NFAM1: variants seen among roughly 807,000 people sequenced by gnomAD.
NFAM1 encodes NFAT activation molecule 1.
A neutral mutation model predicts 29.0 loss-of-function variants in NFAM1; 17 were observed. The ratio of observed to expected loss-of-function variants is 0.59; its 90% CI spans 0.40 to 0.88. NFAM1 has a LOEUF of 0.88. Among genes scored for constraint, NFAM1 ranks in the 40% least tolerant of loss-of-function variants. NFAM1 has a pLI of 0.00. For missense variants in NFAM1, 324 were observed against 344.6 expected (o/e 0.94, Z 0.47); for synonymous variants, 175 against 147.2 (o/e 1.19, Z -1.36).
At chr22:42,398,866 C>A (rs1369517903) in intron 3 of NFAM1, among the ~76,000 whole-genome samples, 1 of 152,144 alleles carries the variant, frequency 6.6e-6, no homozygotes, top group East Asian at 1.9e-4. Flanking sequence ...GCAAGCCAGG[C>A]AGTGTGAGGA....
intron 5 of NFAM1, among the ~76,000 whole-genome samples, chr22:42,386,354 A>T (rs1929138730): frequency 6.6e-6 from 1 of 151,434 alleles, no homozygotes; most frequent in African/African-American, 2.4e-5. Context: ...GGCCTGGGTG[A>T]TGGAGCAAGA....
chr22:42,394,087 G>A (rs529285386), intron 4 of NFAM1, among the ~76,000 whole-genome samples: 3 of 152,160 alleles, frequency 2.0e-5, no homozygotes, highest in Non-Finnish European at 4.4e-5. Context: ...CCAGGCTGGA[G>A]TGCAATGGCG....
Position 42,411,389 on chromosome 22 carries a change from C to G in NFAM1, c.451+18G>C. On this transcript the variant is annotated intron_variant, in intron 2 of 5. Transcript: ENST00000329021. Reference sequence around the variant, plus strand: ...CTCTGTGTCCTTTGCCCTGGAAGAGCCACAGAGGAAGCCTTACCTCTGACC... The same window carrying G: ...CTCTGTGTCCTTTGCCCTGGAAGAGGCACAGAGGAAGCCTTACCTCTGACC... The G allele has an allele frequency of 1.3e-6, 2 of 1,586,496 alleles. No individual in the cohort carries two copies. Among genetic ancestry groups the G allele is most frequent in the Non-Finnish European group, 1.7e-6 (2 of 1,158,056 alleles).
chr22:42,386,398 C>G (rs989496316), intron 5 of NFAM1, among the ~76,000 whole-genome samples: 1 of 142,970 alleles, frequency 7.0e-6, no homozygotes, highest in Non-Finnish European at 1.5e-5. Context: ...AACAAACAAA[C>G]ACACACACAC....
At chr22:42,426,673 G>A (rs8138902) in intron 1 of NFAM1, among the ~76,000 whole-genome samples, 20,981 of 152,240 alleles carry the variant, frequency 0.14, 2,447 homozygotes, top group African/African-American at 0.32. Flanking sequence ...TGCCTACAGG[G>A]GGACTGGGGA....
chr22:42,380,794 CA>C lies in NFAM1; in HGVS notation c.*4366del, dbSNP rs376475566. On this transcript the variant is annotated 3_prime_UTR_variant, in exon 6 of 6. Transcript: ENST00000329021. ...GACTTTACATTAGAATGTGCTTTAACAAAAAAAAAAAGAGAGAGAGAGAGAA... is the reference window on the plus strand; with the variant it reads ...GACTTTACATTAGAATGTGCTTTAACAAAAAAAAAAGAGAGAGAGAGAGAA... The C allele has an allele frequency of 5.1e-4, 70 of 136,976 alleles. No homozygotes were observed. The highest frequency in any genetic ancestry group is 1.6e-3 in the South Asian group (7 of 4,256). 8.5% of individuals were successfully genotyped at this position (136,976 alleles called of 1,614,324 possible).
intron 3 of NFAM1, among the ~76,000 whole-genome samples, chr22:42,402,464 C>T (rs9623579): frequency 0.011 from 1,736 of 152,224 alleles, 33 homozygotes; most frequent in African/African-American, 0.04. Context: ...ACACAGAGCG[C>T]GGAAGGGCTC....
At chr22:42,391,138 T>C (rs1376471806) in intron 4 of NFAM1, among the ~76,000 whole-genome samples, 1 of 152,186 alleles carries the variant, frequency 6.6e-6, no homozygotes, top group Admixed American at 6.5e-5. Context: ...TTCCTTCCCT[T>C]GGGATCAGAC....
chr22:42,403,947 G>A (rs2413688), intron 3 of NFAM1, among the ~76,000 whole-genome samples: 4,266 of 152,248 alleles, frequency 0.028, 207 homozygotes, highest in African/African-American at 0.099. Context: ...CCCAGGTGCC[G>A]AAATACAGAG....
At chr22:42,398,078 C>T (rs1929593781) in intron 3 of NFAM1, 122 bp from the exon 4 acceptor site, 2 of 587,788 alleles carry the variant, frequency 3.4e-6, no homozygotes, top group South Asian at 4.1e-5. Flanking sequence ...TCACTCAGTC[C>T]CTCCCACTCA....
intron 3 of NFAM1, 35 bp from the exon 4 acceptor site, chr22:42,397,991 T>C: frequency 8.2e-7 from 1 of 1,221,910 alleles, no homozygotes; most frequent in South Asian, 1.3e-5. Flanking sequence ...CAGGGATGAG[T>C]GGCTCTCGTC....
rs555841477 is a variant in NFAM1, at chr22:42,385,744, C to G, written c.754-524G>C. Among the ~76,000 whole-genome samples the G allele has an allele frequency of 1.6e-4, 24 of 152,348 alleles. No homozygotes were observed. In the South Asian group the frequency reaches 2.1e-3, roughly 13 times the overall value. On this transcript the variant is annotated intron_variant, in intron 5 of 5. Coordinates refer to ENST00000329021, the MANE Select transcript of NFAM1 (RefSeq NM_145912.8). ...TGCCTAGTTCTCCTGTCCAGCACCC[C>G]AGGGCCTGGCACAGGGTGGGCACTG...
chr22:42,432,498 C>G (rs754183442), upstream of NFAM1: 5 of 1,256,016 alleles, frequency 4.0e-6, no homozygotes, highest in Non-Finnish European at 5.3e-6. Context: ...TGGAACAGCC[C>G]AGCAGGGTGG....
intron 4 of NFAM1, among the ~76,000 whole-genome samples, chr22:42,391,311 G>C (rs2147092317): frequency 6.7e-6 from 1 of 148,836 alleles, no homozygotes; most frequent in East Asian, 2.1e-4. Context: ...TGGCTTACCA[G>C]GATCATTGGC....
chr22:42,427,683 G>A (rs749056548), intron 1 of NFAM1, among the ~76,000 whole-genome samples: 4 of 152,324 alleles, frequency 2.6e-5, no homozygotes, highest in South Asian at 4.1e-4. Flanking sequence ...CAGCCATATC[G>A]TGGACTGGAT....
rs1491236869 is a variant in NFAM1 at position 42,419,989 on chromosome 22, G to GTTTTT, written c.122-8254_122-8253insAAAAA. Among the ~76,000 whole-genome samples the GTTTTT allele has an allele frequency of 6.7e-3, 376 of 56,516 alleles. 3 individuals are homozygous for GTTTTT. The highest frequency in any genetic ancestry group is 9.1e-3 in the Non-Finnish European group (271 of 29,682). 37.1% of individuals were successfully genotyped at this position (56,516 alleles called of 152,430 possible). A position where few individuals can be genotyped will look rare whatever the true frequency, so the allele number is the denominator to read the frequency against. On this transcript the variant is annotated intron_variant, in intron 1 of 5. Transcript: ENST00000329021. The surrounding 1 kb of genome is among the most constrained non-coding windows in gnomAD (Gnocchi z 4.5). ...CCTTTGAGTCTGTAATCCCACTCTT[G>GTTTTT]GTTTTTTTTTTTTTTTTTTTTTTTT...
Position 42,384,069 on chromosome 22 carries a change from C to A in NFAM1, c.*1092G>T, listed in dbSNP as rs1222545184. 1 of 152,686 alleles carries A rather than the reference C, an allele frequency of 6.5e-6. No individual in the cohort carries two copies. The highest frequency in any genetic ancestry group is 1.5e-5 in the Non-Finnish European group (1 of 68,136). 9.5% of individuals were successfully genotyped at this position (152,686 alleles called of 1,614,324 possible). ...GGCTTGAGCTTCTGCCTCAGAGGGA[C>A]CTTCCGGCTGCCATTGAGGGTCCCA... On this transcript the variant is annotated 3_prime_UTR_variant, in exon 6 of 6. Coordinates refer to ENST00000329021, the MANE Select transcript of NFAM1 (RefSeq NM_145912.8).
At chr22:42,392,321 G>A (rs557644225) in intron 4 of NFAM1, among the ~76,000 whole-genome samples, 2 of 152,128 alleles carry the variant, frequency 1.3e-5, no homozygotes. Context: ...AGGAGGGAGA[G>A]CTCAAGGGTG....
intron 2 of NFAM1, among the ~76,000 whole-genome samples, chr22:42,411,019 CTTTTTTTTT>C (rs138369373): frequency 9.9e-5 from 12 of 121,760 alleles, no homozygotes; most frequent in Non-Finnish European, 1.2e-4. Flanking sequence ...CTTTTCTTTT[CTTTTTTTTT>C]TTTTTTTTTT....
Sources: gnomAD v4.1 joint callset for allele counts (sites outside exome capture counted in the v4.1 genomes callset) on GRCh38, gnomAD v4.1.1 for gene constraint, Gnocchi (gnomAD v3.1) non-coding constraint, MANE v1.5 for transcripts, NCBI Gene and HGNC (gene_info 2026-07-23, HGNC 2026-07-21) for gene names.